Variants in RNF214 observed in about 807,000 individuals in gnomAD.
RNF214 encodes the protein ring finger protein 214.
In RNF214, 25 loss-of-function variants were observed where a neutral mutation model predicts 75.9. That is an observed-to-expected ratio of 0.33 (90% CI 0.24 to 0.46). The LOEUF is 0.46. RNF214 is among the 20% of genes least tolerant of loss of function. The probability of loss-of-function intolerance (pLI) is 1.00; values close to 1 mark genes in which losing one functional copy is unlikely to be tolerated. For missense variants in RNF214, 725 were observed against 857.5 expected, an observed-to-expected ratio of 0.85 and a Z score of 1.93; for synonymous variants, 314 against 308.8, an observed-to-expected ratio of 1.02 and a Z score of -0.18.
rs1292312097 is a variant in RNF214 at position 117,235,476 on chromosome 11, G to A, written c.107+1097G>A. Among the ~76,000 whole-genome samples the A allele has an allele frequency of 4.1e-5, 6 of 147,918 alleles. No individual in the cohort carries two copies. In the East Asian group the frequency reaches 6.1e-4, roughly 15 times the overall value. ...CTCCCAAAGTGCTGGGATTACAGGCGTGAGTCACCACGCCCAGCCTTTTTT... is the reference window on the plus strand; with the variant it reads ...CTCCCAAAGTGCTGGGATTACAGGCATGAGTCACCACGCCCAGCCTTTTTT... On this transcript the variant is annotated intron_variant, in intron 2 of 14. Coordinates refer to ENST00000300650, the MANE Select transcript of RNF214 (RefSeq NM_207343.4).
At chr11:117,276,725 A>G (rs1291769494) in intron 6 of RNF214, among the ~76,000 whole-genome samples, 1 of 152,240 alleles carries the variant, frequency 6.6e-6, no homozygotes, top group Non-Finnish European at 1.5e-5. Flanking sequence ...TTGTTTGTGA[A>G]TATGTGGAAT....
chr11:117,241,810 G>T (rs531184), intron 4 of RNF214, among the ~76,000 whole-genome samples: 66,952 of 151,714 alleles, frequency 0.44, 15,481 homozygotes, highest in East Asian at 0.64. Context: ...TCATCATTCT[G>T]GTTACTTTCA....
Position 117,282,831 on chromosome 11 carries a change from A to T in RNF214, c.1931A>T (p.Tyr644Phe). ...TTCTTGCCTTCTGCCCAAGTTTCAT[A>T]TCCTGGAAGGTCTTCACATGTAAGA... is the stretch of plus-strand genomic sequence containing the variant. ...PMFLPSAQVS[Y>F]PGRSSHAPAT... Residue 644 changes from tyrosine (Y) to phenylalanine (F), a missense_variant, in exon 13 of 15, where the codon TAT becomes TTT. Tyr to Phe is a conservative substitution (Grantham distance 22). This residue lies in a region of RNF214 where 363 missense variants were observed against 513.0 expected (regional missense o/e 0.71). Transcript: ENST00000300650. The T allele has an allele frequency of 6.2e-7, 1 of 1,613,618 alleles. No individual in the cohort carries two copies. The highest frequency in any genetic ancestry group is 8.5e-7 in the Non-Finnish European group (1 of 1,179,556).
intron 4 of RNF214, among the ~76,000 whole-genome samples, chr11:117,242,795 C>T (rs117117915): frequency 0.018 from 2,816 of 152,224 alleles, 37 homozygotes; most frequent in Non-Finnish European, 0.022. Context: ...CGGAGGTTGC[C>T]GTAAGCCGAG....
chr11:117,275,269 G>A (rs966964298), intron 6 of RNF214, among the ~76,000 whole-genome samples: 1 of 151,926 alleles, frequency 6.6e-6, no homozygotes, highest in Non-Finnish European at 1.5e-5. Flanking sequence ...ATACTAAGAG[G>A]GAAGTTTATA....
intron 4 of RNF214, among the ~76,000 whole-genome samples, chr11:117,241,734 G>A (rs186507015): frequency 6.4e-4 from 97 of 152,212 alleles, no homozygotes; most frequent in Admixed American, 2.0e-3. Context: ...CTTTCCAGGT[G>A]AAACATCCTC....
At chr11:117,271,490 A>G (rs1191260453) in intron 6 of RNF214, among the ~76,000 whole-genome samples, 1 of 152,206 alleles carries the variant, frequency 6.6e-6, no homozygotes, top group Non-Finnish European at 1.5e-5. Flanking sequence ...CCTATTGTCC[A>G]GTGTTTGAAA....
intron 6 of RNF214, among the ~76,000 whole-genome samples, chr11:117,251,566 G>A (rs1368284267): frequency 3.3e-5 from 5 of 149,694 alleles, no homozygotes; most frequent in Non-Finnish European, 5.9e-5. Context: ...GCGGCTGGCC[G>A]GGTCATTTTA....
chr11:117,270,563 C>T (rs1027256643), intron 6 of RNF214, among the ~76,000 whole-genome samples: 4 of 151,224 alleles, frequency 2.6e-5, no homozygotes, highest in African/African-American at 7.3e-5. Context: ...CCCCCACTCC[C>T]CCACCCCCCC....
intron 2 of RNF214, among the ~76,000 whole-genome samples, chr11:117,237,860 A>G (rs555590620): frequency 6.6e-6 from 1 of 152,302 alleles, no homozygotes; most frequent in South Asian, 2.1e-4. Context: ...TGAAGAACCT[A>G]AAAAGTGGTT....
chr11:117,281,604 A>C lies in RNF214; in HGVS notation c.1241A>C (p.Gln414Pro). 6.2e-7 allele frequency: 1 copy of C among 1,607,758 alleles called. No homozygotes were observed. Among genetic ancestry groups the C allele is most frequent in the Non-Finnish European group, 8.5e-7 (1 of 1,175,374 alleles). Reference sequence around the variant, plus strand: ...AATAATCCTTTTTTTTTTTAGGACCAATTTAATAGTCATATCCAGTTAGTG... The same window carrying C: ...AATAATCCTTTTTTTTTTTAGGACCCATTTAATAGTCATATCCAGTTAGTG... ...VRIMKKNVRD[Q>P]FNSHIQLVRN... is the part of the protein sequence containing the mutation. The change falls in exon 10 of 15, where the codon CAA (glutamine) becomes CCA (proline). Residue 414 changes from glutamine (Q) to proline (P), a missense_variant. Coordinates refer to ENST00000300650, the MANE Select transcript of RNF214 (RefSeq NM_207343.4).
chr11:117,246,755 A>ATT, intron 5 of RNF214, 54 bp from the exon 6 acceptor site: 1 of 1,454,660 alleles, frequency 6.9e-7, no homozygotes. Context: ...GCATCAAAAG[A>ATT]ACTAACTTAT....
intron 6 of RNF214, among the ~76,000 whole-genome samples, chr11:117,274,356 C>CTTTTTTTTTTTTTTT (rs11461326): frequency 1.3e-5 from 1 of 79,476 alleles, no homozygotes; most frequent in Non-Finnish European, 2.2e-5. Flanking sequence ...CAAATGACTT[C>CTTTTTTTTTTTTTTT]TTTTTTTTTT....
intron 14 of RNF214, among the ~76,000 whole-genome samples, chr11:117,283,436 C>A (rs1321168232): frequency 6.6e-6 from 1 of 152,090 alleles, no homozygotes; most frequent in African/African-American, 2.4e-5. Context: ...TCTCAGCTCA[C>A]CGCAACCTCC....
At position 117,250,839 on chromosome 11, in the gene RNF214, G is replaced by A. The variant is rs1375721721; in HGVS notation, c.959+3891G>A. 2.0e-5 allele frequency among the ~76,000 whole-genome samples: 3 copies of A among 147,448 alleles called. No homozygotes were observed. The East Asian group carries it at 5.9e-4, about 29-fold the overall frequency. ...CTCTTAACGAGCATGCTGCCTTCAAGCATCTGTTTAACAAAGCACATCTTG... is the reference window on the plus strand; with the variant it reads ...CTCTTAACGAGCATGCTGCCTTCAAACATCTGTTTAACAAAGCACATCTTG... On this transcript the variant is annotated intron_variant, in intron 6 of 14. Transcript: ENST00000300650.
chr11:117,242,980 T>G (rs1298308092), intron 4 of RNF214, among the ~76,000 whole-genome samples: 1 of 152,202 alleles, frequency 6.6e-6, no homozygotes, highest in Non-Finnish European at 1.5e-5. Flanking sequence ...GTTCAAAGAT[T>G]CCGGGGTCCA....
At chr11:117,258,647 A>G (rs2033584841) in intron 6 of RNF214, among the ~76,000 whole-genome samples, 1 of 152,074 alleles carries the variant, frequency 6.6e-6, no homozygotes, top group Non-Finnish European at 1.5e-5. Context: ...ATAAATCTTA[A>G]GGGAACCATT....
At chr11:117,269,789 A>T (rs2033870944) in intron 6 of RNF214, among the ~76,000 whole-genome samples, 1 of 152,214 alleles carries the variant, frequency 6.6e-6, no homozygotes, top group South Asian at 2.1e-4. Context: ...ACTTTATGAT[A>T]CTAGGAAAAC....
intron 6 of RNF214, among the ~76,000 whole-genome samples, chr11:117,255,684 C>A (rs903994169): frequency 9.9e-5 from 15 of 151,752 alleles, no homozygotes; most frequent in African/African-American, 3.6e-4. Context: ...ATTATTCTTT[C>A]TCTCTGTCAC....
Sources: gnomAD v4.1 joint callset for allele counts (sites outside exome capture counted in the v4.1 genomes callset) on GRCh38, gnomAD v4.1.1 for gene constraint, gnomAD v4.1.1 regional missense constraint, MANE v1.5 for transcripts, NCBI Gene and HGNC (gene_info 2026-07-23, HGNC 2026-07-21) for gene names.